Variants in SHOC1 observed in about 807,000 individuals in gnomAD.
SHOC1 encodes shortage in chiasmata 1, also known as protein shortage in chiasmata 1 ortholog.
SHOC1 carries 136 observed loss-of-function variants against 179.2 expected under a neutral mutation model. The ratio of observed to expected loss-of-function variants is 0.76; its 90% CI spans 0.66 to 0.87. The LOEUF (loss-of-function observed/expected upper bound fraction) is 0.87, where lower values mean the gene tolerates loss of function less well. SHOC1 is among the 40% of genes least tolerant of loss of function. The probability of loss-of-function intolerance (pLI) is 0.00; values close to 1 mark genes in which losing one functional copy is unlikely to be tolerated. For synonymous variants in SHOC1, 489 were observed against 586.6 expected (o/e 0.83, Z 2.41); for missense variants, 1,538 against 1,700.8 (o/e 0.90, Z 1.68).
intron 8 of SHOC1, among the ~76,000 whole-genome samples, chr9:111,751,481 C>T (rs186432455): frequency 6.6e-6 from 1 of 152,190 alleles, no homozygotes; most frequent in East Asian, 1.9e-4. Flanking sequence ...TAAATCAATG[C>T]ATTATCATTA....
chr9:111,706,163 C>A (rs1268660950), intron 20 of SHOC1, among the ~76,000 whole-genome samples: 1 of 152,064 alleles, frequency 6.6e-6, no homozygotes, highest in Non-Finnish European at 1.5e-5. Context: ...TTTAGACTTT[C>A]TTCTAAGTAT....
chr9:111,791,137 G>A (rs755519141), intron 2 of SHOC1, among the ~76,000 whole-genome samples: 1 of 152,076 alleles, frequency 6.6e-6, no homozygotes, highest in Non-Finnish European at 1.5e-5. Context: ...TTCAATCTAT[G>A]TGGATAAGGT....
Position 111,692,355 on chromosome 9 carries a change from C to T in SHOC1, c.3622G>A (p.Glu1208Lys), listed in dbSNP as rs771018313. 1.2e-6 allele frequency: 2 copies of T among 1,612,294 alleles called. No individual in the cohort carries two copies. Among genetic ancestry groups the T allele is most frequent in the Non-Finnish European group, 1.7e-6 (2 of 1,178,606 alleles). The change falls in exon 27 of 28, where the codon GAA becomes AAA. Residue 1208 changes from glutamate (E) to lysine (K), a missense_variant. Physicochemically the swap from Glu to Lys is moderately conservative, Grantham distance 56 (BLOSUM62 1). Coordinates refer to ENST00000682961, the MANE Select transcript of SHOC1 (RefSeq NM_001378211.1). ...DLDSVIQEHN[E>K]YYQYLGLGET... ...CCTAATCCTAAATACTGATAATATT[C>T]ATTATGTTCTTGAATGACAGAGTCT... is the stretch of plus-strand genomic sequence containing the variant.
At chr9:111,790,709 C>T (rs1836415630) in intron 2 of SHOC1, among the ~76,000 whole-genome samples, 2 of 152,062 alleles carry the variant, frequency 1.3e-5, no homozygotes, top group African/African-American at 4.8e-5. Context: ...CCATGCCCGG[C>T]TAATTTTTTT....
intron 8 of SHOC1, among the ~76,000 whole-genome samples, chr9:111,755,397 G>A (rs949517057): frequency 6.6e-6 from 1 of 152,238 alleles, no homozygotes; most frequent in Admixed American, 6.5e-5. Flanking sequence ...TCAAGTCTGT[G>A]GTCTGTTCAT....
In SHOC1 at chr9:111,699,908, T is replaced by C. The variant is rs777648281; in HGVS notation, c.3183+46A>G. The C allele has an allele frequency of 2.2e-5, 27 of 1,217,294 alleles. No individual in the cohort carries two copies. In the African/African-American group the frequency reaches 3.9e-4, roughly 18 times the overall value. The allele number at this position is 1,217,294 out of a possible 1,614,324, so 75.4% of individuals were successfully genotyped here. On this transcript the variant is annotated intron_variant, in intron 24 of 27. Transcript: ENST00000682961. Reference sequence around the variant, plus strand: ...GGGCACTTAAGTTTGAGTATAATTTTGGTTTATAAAAAATACTTATGAAGA... The same window carrying C: ...GGGCACTTAAGTTTGAGTATAATTTCGGTTTATAAAAAATACTTATGAAGA...
chr9:111,746,926 A>T (rs1033729654), intron 9 of SHOC1, among the ~76,000 whole-genome samples: 8 of 152,108 alleles, frequency 5.3e-5, no homozygotes, highest in African/African-American at 1.9e-4. Context: ...AAATTCCAAG[A>T]GCTTTATATG....
intron 18 of SHOC1, among the ~76,000 whole-genome samples, chr9:111,708,314 T>C (rs117324145): frequency 0.012 from 1,781 of 152,186 alleles, 21 homozygotes; most frequent in Non-Finnish European, 0.017. Context: ...AGAATTCTCC[T>C]GCCTCAGCCT....
chr9:111,777,866 G>C (rs1835892278), intron 4 of SHOC1, among the ~76,000 whole-genome samples: 1 of 152,088 alleles, frequency 6.6e-6, no homozygotes, highest in South Asian at 2.1e-4. Flanking sequence ...GGTGGAGAAA[G>C]CTTTAGAATT....
intron 2 of SHOC1, among the ~76,000 whole-genome samples, chr9:111,790,049 A>G (rs1836397148): frequency 6.6e-6 from 1 of 152,190 alleles, no homozygotes; most frequent in Admixed American, 6.5e-5. Flanking sequence ...AGACTGTTGC[A>G]TGACAATTGT....
At chr9:111,756,218 T>C (rs542124886) in intron 8 of SHOC1, 107 bp downstream of exon 8, 69 of 792,762 alleles carry the variant, frequency 8.7e-5, no homozygotes, top group Admixed American at 1.1e-4. Context: ...TTGCAGAACA[T>C]TTTTGCAAAA....
chr9:111,772,814 G>A (rs1447170633), intron 5 of SHOC1, among the ~76,000 whole-genome samples: 1 of 152,164 alleles, frequency 6.6e-6, no homozygotes. Flanking sequence ...CCAGGGCTGG[G>A]GAAGGTAGTC....
intron 3 of SHOC1, among the ~76,000 whole-genome samples, chr9:111,782,521 A>T (rs1836105089): frequency 6.6e-6 from 1 of 152,098 alleles, no homozygotes; most frequent in African/African-American, 2.4e-5. Context: ...ACTAACTTAG[A>T]ACAACCCCTA....
chr9:111,702,224 A>C lies in SHOC1; in HGVS notation c.2970T>G (p.Asp990Glu), dbSNP rs751358258. Residue 990 changes from aspartate to glutamate, a missense_variant and splice_region_variant, in exon 23 of 28, where the codon GAT becomes GAG. Physicochemically the swap from Asp to Glu is conservative, Grantham distance 45. Coordinates refer to ENST00000682961, the MANE Select transcript of SHOC1 (RefSeq NM_001378211.1). The part of the protein sequence containing the change: ...IDEHTAIILQ[D>E]LEELNYEKAS... ...CCTTCTCATAATTCAATTCTTCTAG[A>C]TCCTATCAGAAAATAAAGAAAATGT... 7.1e-7 allele frequency: 1 copy of C among 1,415,336 alleles called. No individual in the cohort carries two copies. Among genetic ancestry groups the C allele is most frequent in the Non-Finnish European group, 9.9e-7 (1 of 1,012,286 alleles). The allele number at this position is 1,415,336 out of a possible 1,614,324, so 87.7% of individuals were successfully genotyped here.
At chr9:111,741,350 T>C in intron 11 of SHOC1, 126 bp downstream of exon 11, 2 of 552,750 alleles carry the variant, frequency 3.6e-6, no homozygotes, top group Non-Finnish European at 6.5e-6. Context: ...CTTGGTATTT[T>C]AGCTTTAGGC....
At chr9:111,711,236 T>C (rs1333119714) in intron 18 of SHOC1, among the ~76,000 whole-genome samples, 1 of 152,048 alleles carries the variant, frequency 6.6e-6, no homozygotes. Flanking sequence ...CAGCCAATGG[T>C]CCCCCGGCGA....
At chr9:111,753,808 CTAA>C (rs1834721840) in intron 8 of SHOC1, among the ~76,000 whole-genome samples, 1 of 152,014 alleles carries the variant, frequency 6.6e-6, no homozygotes, top group South Asian at 2.1e-4. Context: ...ACAAATCTGC[CTAA>C]TATTACCACT....
In SHOC1 at chr9:111,748,110, C is replaced by T; in HGVS notation, c.952G>A (p.Glu318Lys). ...ILTIQSQSEP[E>K]ECSKPGELEM... ...TTTCTACCTGGTTTACTGCACTCTT[C>T]TGGTTCACTCTGGCTTTGAATGGTC... Residue 318 changes from glutamate to lysine, a missense_variant, in exon 9 of 28, where the codon GAA becomes AAA. By Grantham distance (56) the Glu-to-Lys change is moderately conservative. Transcript: ENST00000682961. 6.2e-7 allele frequency: 1 copy of T among 1,613,294 alleles called. No individual in the cohort carries two copies. The highest frequency in any genetic ancestry group is 8.5e-7 in the Non-Finnish European group (1 of 1,179,412).
intron 17 of SHOC1, among the ~76,000 whole-genome samples, chr9:111,713,714 T>G (rs1832653938): frequency 6.6e-6 from 1 of 152,362 alleles, no homozygotes; most frequent in African/African-American, 2.4e-5. Flanking sequence ...GGATTTTTAG[T>G]GTAAACTATT....
Sources: allele counts gnomAD v4.1 joint callset (sites outside exome capture counted in the v4.1 genomes callset), GRCh38; gene constraint gnomAD v4.1.1; transcripts MANE v1.5; gene names NCBI Gene and HGNC (gene_info 2026-07-23, HGNC 2026-07-21).